MAP2K4: variants seen among roughly 807,000 people sequenced by gnomAD.
The protein encoded by MAP2K4 is dual specificity mitogen-activated protein kinase kinase 4.
Under a neutral mutation model 48.5 loss-of-function variants are expected in MAP2K4, and 4 were observed. The ratio of observed to expected loss-of-function variants is 0.08; its 90% CI spans 0.04 to 0.19. MAP2K4 has a LOEUF of 0.19. Ranked by LOEUF, MAP2K4 falls within the 10% of genes least tolerant of loss-of-function variation. MAP2K4 has a pLI of 1.00. For synonymous variants in MAP2K4, 166 were observed against 173.1 expected, an observed-to-expected ratio of 0.96 and a Z score of 0.32; for missense variants, 258 against 493.3, an observed-to-expected ratio of 0.52 and a Z score of 4.52.
chr17:12,059,355 T>G (rs984137215), intron 2 of MAP2K4, among the ~76,000 whole-genome samples: 1 of 152,230 alleles, frequency 6.6e-6, no homozygotes, highest in South Asian at 2.1e-4. Flanking sequence ...AATCATGTTG[T>G]GTATATGAAT....
At chr17:12,057,118 CT>C (rs1254288581) in intron 2 of MAP2K4, among the ~76,000 whole-genome samples, 1 of 151,920 alleles carries the variant, frequency 6.6e-6, no homozygotes, top group Non-Finnish European at 1.5e-5. Context: ...AGACAGTGTT[CT>C]TTTTTTCTGA....
intron 1 of MAP2K4, among the ~76,000 whole-genome samples, chr17:12,038,471 AAG>A (rs1237042705): frequency 1.3e-5 from 2 of 152,178 alleles, no homozygotes; most frequent in African/African-American, 4.8e-5. Context: ...AGGATAAGGA[AAG>A]AGAGGTACAA....
At chr17:12,115,971 T>C (rs1361437153) in intron 7 of MAP2K4, 1 of 412,276 alleles carries the variant, frequency 2.4e-6, no homozygotes, top group African/African-American at 2.1e-5. Context: ...TTTCTCGTTC[T>C]TTTTAAGTCT....
intron 4 of MAP2K4, among the ~76,000 whole-genome samples, chr17:12,098,515 A>G (rs1263645032): frequency 6.6e-6 from 1 of 151,562 alleles, no homozygotes; most frequent in Non-Finnish European, 1.5e-5. Flanking sequence ...GTATATATAT[A>G]TATATTTTCA....
intron 3 of MAP2K4, among the ~76,000 whole-genome samples, chr17:12,087,130 G>A (rs1014759229): frequency 1.3e-5 from 2 of 152,160 alleles, no homozygotes; most frequent in East Asian, 3.9e-4. Flanking sequence ...TTACAGGTGA[G>A]AGCTACCACG....
At chr17:12,109,441 ATG>A (rs1374142873) in intron 5 of MAP2K4, among the ~76,000 whole-genome samples, 2 of 152,194 alleles carry the variant, frequency 1.3e-5, no homozygotes, top group Non-Finnish European at 2.9e-5. Flanking sequence ...CAACAAATTT[ATG>A]TGTTCTACAT....
intron 2 of MAP2K4, among the ~76,000 whole-genome samples, chr17:12,060,728 GGTGTGTGT>G (rs368390462): frequency 2.0e-5 from 3 of 150,252 alleles, no homozygotes; most frequent in African/African-American, 7.3e-5. Context: ...AATACTATGG[GGTGTGTGT>G]GTGTGTGTGT....
intron 2 of MAP2K4, among the ~76,000 whole-genome samples, chr17:12,062,869 G>A (rs1418846050): frequency 2.0e-5 from 3 of 151,774 alleles, no homozygotes; most frequent in Admixed American, 2.0e-4. Flanking sequence ...AAATCTTGCT[G>A]TGTTTGCATT....
intron 9 of MAP2K4, among the ~76,000 whole-genome samples, chr17:12,135,697 G>A (rs145271278): frequency 2.6e-5 from 4 of 152,008 alleles, no homozygotes; most frequent in Non-Finnish European, 2.9e-5. Flanking sequence ...CTACAGGCAC[G>A]CACCACCACT....
At chr17:12,025,063 T>C (rs1969214021) in intron 1 of MAP2K4, among the ~76,000 whole-genome samples, 1 of 152,254 alleles carries the variant, frequency 6.6e-6, no homozygotes, top group Admixed American at 6.5e-5. Flanking sequence ...ATAGGCAGGA[T>C]GATTCCTTTT....
chr17:12,139,919 C>G (rs200660439), intron 10 of MAP2K4, 35 bp downstream of exon 10: 14 of 1,520,252 alleles, frequency 9.2e-6, no homozygotes, highest in Non-Finnish European at 1.2e-5. Flanking sequence ...TAGGTACATC[C>G]TAACCCCGGA....
chr17:12,076,971 T>C (rs1251812604), intron 2 of MAP2K4, among the ~76,000 whole-genome samples: 2 of 152,158 alleles, frequency 1.3e-5, no homozygotes, highest in Non-Finnish European at 2.9e-5. Context: ...GAATGACTTA[T>C]GAAGAAACCT....
At chr17:12,065,861 CTG>C (rs777173086) in intron 2 of MAP2K4, among the ~76,000 whole-genome samples, 1 of 152,176 alleles carries the variant, frequency 6.6e-6, no homozygotes, top group Non-Finnish European at 1.5e-5. Flanking sequence ...TATATGAACA[CTG>C]TGCTTTTAAT....
chr17:12,023,938 A>G (rs906587839), intron 1 of MAP2K4, among the ~76,000 whole-genome samples: 8 of 152,192 alleles, frequency 5.3e-5, no homozygotes, highest in Non-Finnish European at 1.0e-4. Context: ...ATTAGCCATC[A>G]TTGTTAGTAG....
rs886181583 is a variant in MAP2K4 at position 12,142,928 on chromosome 17, G to A, written c.*1668G>A. The A allele has an allele frequency of 9.9e-5, 23 of 232,546 alleles. 1 individual carries two copies. Among genetic ancestry groups the A allele is most frequent in the South Asian group, 7.2e-4 (4 of 5,518 alleles). The allele number at this position is 232,546 out of a possible 1,614,324, so 14.4% of individuals were successfully genotyped here. On this transcript the variant is annotated 3_prime_UTR_variant, in exon 11 of 11. Coordinates refer to ENST00000353533, the MANE Select transcript of MAP2K4 (RefSeq NM_003010.4). ...CCATTACAGAACCAAATCGTGGCAC[G>A]TATTGCTGTGTCTCCTCTCAGAGTG...
rs115738725 is a variant in MAP2K4, at chr17:12,071,313, C to G, written c.219-10043C>G. On this transcript the variant is annotated intron_variant, in intron 2 of 10. Transcript: ENST00000353533. ...AACTGGGTTTTGGCTTCTTAAATCA[C>G]ATTGTATATTAAGGATAGCCAGTTC... 7.6e-3 allele frequency among the ~76,000 whole-genome samples: 1,152 copies of G among 152,246 alleles called. 12 individuals carry two copies. The highest frequency in any genetic ancestry group is 0.025 in the African/African-American group (1,033 of 41,550).
intron 2 of MAP2K4, among the ~76,000 whole-genome samples, chr17:12,058,595 A>C (rs1378086762): frequency 6.6e-6 from 1 of 152,226 alleles, no homozygotes; most frequent in Non-Finnish European, 1.5e-5. Context: ...TGGTAGATGA[A>C]TCTGTCTTTA....
At position 12,142,483 on chromosome 17, in the gene MAP2K4, T is replaced by G. The variant is rs1973403103; in HGVS notation, c.*1223T>G. ...CAGGGATGTTCCTTACCAAGGATTTTTAGCCCCAAATCTCTCATATTCGCT... is the reference window on the plus strand; with the variant it reads ...CAGGGATGTTCCTTACCAAGGATTTGTAGCCCCAAATCTCTCATATTCGCT... On this transcript the variant is annotated 3_prime_UTR_variant, in exon 11 of 11. Transcript: ENST00000353533. 4.3e-6 allele frequency: 1 copy of G among 233,080 alleles called. No individual in the cohort carries two copies. Among genetic ancestry groups the G allele is most frequent in the East Asian group, 6.0e-5 (1 of 16,576 alleles). 14.4% of individuals were successfully genotyped at this position (233,080 alleles called of 1,614,324 possible).
At chr17:12,088,137 G>A (rs1297763083) in intron 3 of MAP2K4, among the ~76,000 whole-genome samples, 1 of 152,042 alleles carries the variant, frequency 6.6e-6, no homozygotes, top group African/African-American at 2.4e-5. Flanking sequence ...TGCTGGGAAA[G>A]CAGCATATTT....
Sources: allele counts gnomAD v4.1 joint callset (sites outside exome capture counted in the v4.1 genomes callset), GRCh38; gene constraint gnomAD v4.1.1; transcripts MANE v1.5; gene names NCBI Gene and HGNC (gene_info 2026-07-23, HGNC 2026-07-21).